FBXO34: variants seen among roughly 807,000 people sequenced by gnomAD.
FBXO34 encodes the protein F-box only protein 34.
In FBXO34, 12 loss-of-function variants were observed where a neutral mutation model predicts 24.5. The observed-to-expected ratio is 0.49, with a 90% CI of 0.31 to 0.79. FBXO34 has a LOEUF of 0.79. Ranked by LOEUF, FBXO34 falls within the 30% of genes least tolerant of loss-of-function variation. FBXO34 has a pLI of 0.04. For missense variants in FBXO34, 823 were observed against 857.7 expected (o/e 0.96, Z 0.51); for synonymous variants, 320 against 311.9 (o/e 1.03, Z -0.27).
chr14:55,417,971 T>G, the FBXO34 span, among the ~76,000 whole-genome samples: 2 of 152,180 alleles, frequency 1.3e-5, no homozygotes, highest in Non-Finnish European at 2.9e-5. Flanking sequence ...TTCTTACTTG[T>G]AAAATAAGGA....
At chr14:55,356,633 T>A (rs80289695), downstream of FBXO34, among the ~76,000 whole-genome samples, 3 of 151,756 alleles carry the variant, frequency 2.0e-5, no homozygotes, top group African/African-American at 7.3e-5. Flanking sequence ...TTTATTTTTT[T>A]ATTTTTACTA....
the FBXO34 span, chr14:55,428,738 C>G: frequency 6.9e-7 from 1 of 1,451,950 alleles, no homozygotes; most frequent in Non-Finnish European, 9.3e-7. Context: ...AGATACTTTA[C>G]GTAAGCAACC....
intron 1 of FBXO34, among the ~76,000 whole-genome samples, chr14:55,317,733 C>G (rs955276445): frequency 6.6e-6 from 1 of 152,164 alleles, no homozygotes; most frequent in Non-Finnish European, 1.5e-5. Flanking sequence ...CCCTCATTCT[C>G]CCCATTACCC....
At chr14:55,292,726 C>A (rs924876635) in intron 1 of FBXO34, among the ~76,000 whole-genome samples, 1 of 152,128 alleles carries the variant, frequency 6.6e-6, no homozygotes, top group Non-Finnish European at 1.5e-5. Context: ...CCCATACCAC[C>A]TGATGAAGTC....
intron 1 of FBXO34, among the ~76,000 whole-genome samples, chr14:55,302,730 T>A (rs1179876443): frequency 1.5e-5 from 2 of 135,136 alleles, no homozygotes; most frequent in Non-Finnish European, 3.5e-5. Flanking sequence ...TGCTAAGTGC[T>A]TACTTACTAG....
the FBXO34 span, among the ~76,000 whole-genome samples, chr14:55,428,470 G>A: frequency 3.3e-5 from 5 of 150,704 alleles, no homozygotes; most frequent in Non-Finnish European, 4.4e-5. Flanking sequence ...ATCTCAATGT[G>A]TGGGCCTCTG....
exon 3 of FBXO34, chr14:55,368,052 CTT>C (rs1258475862): frequency 6.5e-5 from 10 of 152,688 alleles, no homozygotes; most frequent in African/African-American, 2.4e-4. Flanking sequence ...TGTTAGGACT[CTT>C]TCATAGGATT....
Position 55,360,498 on chromosome 14 carries a change from C to T in FBXO34, c.*589-1235C>T, listed in dbSNP as rs148498369. 8.5e-5 allele frequency among the ~76,000 whole-genome samples: 13 copies of T among 152,306 alleles called. No individual in the cohort carries two copies. In the East Asian group the frequency reaches 2.1e-3, roughly 25 times the overall value. On this transcript the variant is annotated intron_variant and NMD_transcript_variant, in intron 3 of 3. Coordinates refer to the FBXO34 transcript ENST00000555280. ...CTTTTAGTTCTCTTGCTGTTTTTCA[C>T]CACATCTGTAGCTACTTCCTCCATG...
At chr14:55,330,160 A>C (rs1485549641) in intron 1 of FBXO34, among the ~76,000 whole-genome samples, 2 of 152,214 alleles carry the variant, frequency 1.3e-5, no homozygotes, top group African/African-American at 4.8e-5. Flanking sequence ...GCTAACAAAC[A>C]GCGACTTAAA....
intron 1 of FBXO34, among the ~76,000 whole-genome samples, chr14:55,322,040 C>A (rs1321591420): frequency 6.6e-6 from 1 of 152,058 alleles, no homozygotes; most frequent in African/African-American, 2.4e-5. Context: ...AGACATCTTT[C>A]AGCTGGGCGT....
chr14:55,401,038 C>T, the FBXO34 span, among the ~76,000 whole-genome samples: 1 of 152,212 alleles, frequency 6.6e-6, no homozygotes, highest in East Asian at 1.9e-4. Context: ...ATACAGTTTA[C>T]AACCCCACCA....
intron 1 of FBXO34, among the ~76,000 whole-genome samples, chr14:55,314,276 C>A (rs1317298098): frequency 1.3e-5 from 2 of 152,122 alleles, no homozygotes; most frequent in African/African-American, 2.4e-5. Context: ...TTTGTTACCA[C>A]CTTAGGGCAC....
the FBXO34 span, among the ~76,000 whole-genome samples, chr14:55,418,777 C>G: frequency 4.6e-5 from 7 of 152,158 alleles, no homozygotes; most frequent in Non-Finnish European, 8.8e-5. Context: ...ATCATCAGGG[C>G]AAGGCATCAC....
the FBXO34 span, among the ~76,000 whole-genome samples, chr14:55,378,625 C>T: frequency 1.3e-5 from 2 of 152,138 alleles, no homozygotes; most frequent in African/African-American, 4.8e-5. Flanking sequence ...CTCCCTCCCT[C>T]CCTCAGTTCC....
the FBXO34 span, among the ~76,000 whole-genome samples, chr14:55,442,681 T>C: frequency 1.3e-5 from 2 of 151,928 alleles, no homozygotes; most frequent in African/African-American, 4.8e-5. Flanking sequence ...TTGCTTACGA[T>C]GGTATTTAAT....
intron 1 of FBXO34, chr14:55,339,388 C>CT (rs1555339093): frequency 3.4e-5 from 5 of 145,866 alleles, no homozygotes; most frequent in African/African-American, 1.3e-4. Context: ...GCCCCCCCCC[C>CT]CAATCCTGGA....
Position 55,352,538 on chromosome 14 carries a change from G to T in FBXO34, c.*12G>T. The T allele has an allele frequency of 6.3e-7, 1 of 1,577,946 alleles. No individual in the cohort carries two copies. Among genetic ancestry groups the T allele is most frequent in the Non-Finnish European group, 8.6e-7 (1 of 1,163,618 alleles). On this transcript the variant is annotated 3_prime_UTR_variant, in exon 2 of 2. Coordinates refer to ENST00000313833, the MANE Select transcript of FBXO34 (RefSeq NM_017943.4). Reference sequence around the variant, plus strand: ...AAGAGGAATACTAAAGTCCATGTGAGAGGCAACAAAAGGACCGGTTTCTAA... The same window carrying T: ...AAGAGGAATACTAAAGTCCATGTGATAGGCAACAAAAGGACCGGTTTCTAA...
the FBXO34 span, among the ~76,000 whole-genome samples, chr14:55,386,437 A>G: frequency 6.6e-6 from 1 of 152,200 alleles, no homozygotes; most frequent in Non-Finnish European, 1.5e-5. Flanking sequence ...CAGAAAAGAG[A>G]TCTAATTCAA....
chr14:55,292,027 C>T (rs935989418), intron 1 of FBXO34, among the ~76,000 whole-genome samples: 1 of 152,062 alleles, frequency 6.6e-6, no homozygotes, highest in Non-Finnish European at 1.5e-5. Context: ...TTTCTTTGGT[C>T]CTGTTTTCTA....
Sources: allele counts gnomAD v4.1 joint callset (sites outside exome capture counted in the v4.1 genomes callset), GRCh38; gene constraint gnomAD v4.1.1; transcripts MANE v1.5; gene names NCBI Gene and HGNC (gene_info 2026-07-23, HGNC 2026-07-21).